The following F2 variants were observed in gnomAD, a reference collection of about 807,000 sequenced individuals.
F2 encodes prothrombin.
In F2, 34 loss-of-function variants were observed where a neutral mutation model predicts 81.9. The observed-to-expected ratio is 0.42, with a 90% CI of 0.32 to 0.55. The LOEUF (loss-of-function observed/expected upper bound fraction) is 0.55, where lower values mean the gene tolerates loss of function less well. Ranked by LOEUF, F2 falls within the 20% of genes least tolerant of loss-of-function variation. F2 has a pLI of 0.18. For synonymous variants in F2, 296 were observed against 326.4 expected, an observed-to-expected ratio of 0.91 and a Z score of 1.01; for missense variants, 630 against 833.4, an observed-to-expected ratio of 0.76 and a Z score of 3.00.
chr11:46,721,682 C>G (rs3136520), intron 4 of F2, among the ~76,000 whole-genome samples: 1 of 152,118 alleles, frequency 6.6e-6, no homozygotes, highest in Admixed American at 6.5e-5. Flanking sequence ...ACCTTTAGCA[C>G]GACAAAAATG....
At chr11:46,732,170 T>TC (rs1351363241) in intron 12 of F2, among the ~76,000 whole-genome samples, 1 of 151,966 alleles carries the variant, frequency 6.6e-6, no homozygotes, top group East Asian at 2.0e-4. Context: ...TGCCTCAGCC[T>TC]CCCAAAGTGC....
rs780981171 is a variant in F2 at position 46,739,035 on chromosome 11, G to A, written c.1655-13G>A. On this transcript the variant is annotated splice_polypyrimidine_tract_variant and intron_variant, in intron 12 of 13. Transcript: ENST00000311907. The stretch of plus-strand genomic sequence containing the variant: ...GCTATGCTCCTGAGCACAGACGGCT[G>A]TTCTCTTTCAAGGTTACAAGCCTGA... 2.2e-5 allele frequency: 36 copies of A among 1,613,620 alleles called. No homozygotes were observed. In the Admixed American group the frequency reaches 4.2e-4, roughly 19 times the overall value.
At chr11:46,720,624 C>G (rs2064830298) in intron 3 of F2, 77 bp downstream of exon 3, 6 of 1,572,580 alleles carry the variant, frequency 3.8e-6, no homozygotes, top group Non-Finnish European at 5.3e-6. Flanking sequence ...AGAGAATCTT[C>G]TGCTGCACCT....
In F2 at chr11:46,723,524, C is replaced by G; in HGVS notation, c.559+6C>G. On this transcript the variant is annotated splice_donor_region_variant and intron_variant, in intron 6 of 13. Transcript: ENST00000311907. This position sits in a 1 kb window ranked among gnomAD's most constrained non-coding sequence, Gnocchi z 5.6. ...ATGCAGCATCCCTGTCTGTGGTAAG[C>G]TGGGGGCAGTGGGGCGGCCCATGGC... is the stretch of plus-strand genomic sequence containing the variant. The G allele has an allele frequency of 6.2e-7, 1 of 1,608,884 alleles. No individual in the cohort carries two copies. The highest frequency in any genetic ancestry group is 8.5e-7 in the Non-Finnish European group (1 of 1,177,162).
rs2064855902 is a variant in F2 at position 46,723,950 on chromosome 11, C to A, written c.559+432C>A. 6.6e-6 allele frequency among the ~76,000 whole-genome samples: 1 copy of A among 152,154 alleles called. No homozygotes were observed. Among genetic ancestry groups the A allele is most frequent in the South Asian group, 2.1e-4 (1 of 4,826 alleles). ...CTGGCGTCAGTCATTCAGATCATAT[C>A]TGTGCCTATTGCTCAGTAAAGTCAG... On this transcript the variant is annotated intron_variant, in intron 6 of 13. Transcript: ENST00000311907. This position sits in a 1 kb window ranked among gnomAD's most constrained non-coding sequence, Gnocchi z 5.6.
Position 46,728,933 on chromosome 11 carries a change from C to A in F2, c.1472+96C>A. On this transcript the variant is annotated intron_variant, in intron 11 of 13. Transcript: ENST00000311907. This position sits in a 1 kb window ranked among gnomAD's most constrained non-coding sequence, Gnocchi z 5.1. ...CCTTGCAAGAGCCCCTTTCCCTTTT[C>A]CAGGCCTCGGTTTCTTGGAGTGAAC... 1 of 1,376,518 alleles carries A rather than the reference C, an allele frequency of 7.3e-7. No individual in the cohort carries two copies. Among genetic ancestry groups the A allele is most frequent in the Non-Finnish European group, 1.0e-6 (1 of 981,464 alleles). The allele number at this position is 1,376,518 out of a possible 1,614,324, so 85.3% of individuals were successfully genotyped here. A position where few individuals can be genotyped will look rare whatever the true frequency, so the allele number is the denominator to read the frequency against.
chr11:46,739,488 T>TA lies in F2; in HGVS notation c.*84dup. ...GTGTTTCTAAAACTATGGTTCCCAA[T>TA]AAAAGTGACTCTCAGCGAGCCTCAA... On this transcript the variant is annotated 3_prime_UTR_variant, in exon 14 of 14. Transcript: ENST00000311907. 2 of 1,582,554 alleles carry TA rather than the reference T, an allele frequency of 1.3e-6. No homozygotes were observed. Among genetic ancestry groups the TA allele is most frequent in the Non-Finnish European group, 1.7e-6 (2 of 1,157,852 alleles).
chr11:46,723,316 G>T lies in F2; in HGVS notation c.422+31G>T. 7 of 1,613,564 alleles carry T rather than the reference G, an allele frequency of 4.3e-6. No homozygotes were observed. The highest frequency in any genetic ancestry group is 5.9e-6 in the Non-Finnish European group (7 of 1,179,512). On this transcript the variant is annotated intron_variant, in intron 5 of 13. Coordinates refer to ENST00000311907, the MANE Select transcript of F2 (RefSeq NM_000506.5). The surrounding 1 kb of genome is among the most constrained non-coding windows in gnomAD (Gnocchi z 5.6). ...TGAGGGGCCGGCCTTCCCACCATGG[G>T]CTGAGAACAGGGAGCAAGCGTACCT...
intron 12 of F2, among the ~76,000 whole-genome samples, chr11:46,738,833 G>A (rs2064959935): frequency 6.6e-6 from 1 of 152,236 alleles, no homozygotes; most frequent in Admixed American, 6.5e-5. Flanking sequence ...GGGTTCAGGA[G>A]CTCGAGCTAG....
Position 46,728,641 on chromosome 11 carries a change from T to C in F2, c.1299-23T>C, listed in dbSNP as rs2064891306. ...GCTGGGTGAACCTGCAGCTTCTCCATTTCTTTCTTGGGGTCTCTGCAGGTA... is the reference window on the plus strand; with the variant it reads ...GCTGGGTGAACCTGCAGCTTCTCCACTTCTTTCTTGGGGTCTCTGCAGGTA... On this transcript the variant is annotated intron_variant, in intron 10 of 13. Transcript: ENST00000311907. The surrounding 1 kb of genome is among the most constrained non-coding windows in gnomAD (Gnocchi z 5.1). 1.2e-6 allele frequency: 2 copies of C among 1,613,386 alleles called. No homozygotes were observed. The highest frequency in any genetic ancestry group is 2.2e-5 in the East Asian group (1 of 44,878).
chr11:46,732,873 G>A (rs190670975), intron 12 of F2, among the ~76,000 whole-genome samples: 5 of 152,214 alleles, frequency 3.3e-5, no homozygotes, highest in Admixed American at 6.5e-5. Context: ...TTTCCTTACT[G>A]TAGTGTTGGA....
Position 46,719,551 on chromosome 11 carries a change from C to T in F2, c.80-151C>T. 9.2e-7 allele frequency: 1 copy of T among 1,090,924 alleles called. No homozygotes were observed. The highest frequency in any genetic ancestry group is 1.4e-5 in the South Asian group (1 of 69,532). The allele number at this position is 1,090,924 out of a possible 1,614,324, so 67.6% of individuals were successfully genotyped here. On this transcript the variant is annotated intron_variant, in intron 1 of 13. Transcript: ENST00000311907. This position sits in a 1 kb window ranked among gnomAD's most constrained non-coding sequence, Gnocchi z 4.7. ...GCAGTGTAGGAGGGGCACAGGGGGC[C>T]ACATTTAGCAGCCTTCCAGGCACTT...
At chr11:46,734,239 A>G (rs1044651189) in intron 12 of F2, among the ~76,000 whole-genome samples, 18 of 152,078 alleles carry the variant, frequency 1.2e-4, no homozygotes, top group African/African-American at 4.1e-4. Context: ...CTGGTTCCAC[A>G]GGTGCGTGCC....
rs2064825923 is a variant in F2, at chr11:46,719,953, C to T, written c.240+91C>T. The T allele has an allele frequency of 6.8e-7, 1 of 1,475,850 alleles. No individual in the cohort carries two copies. 91.4% of individuals were successfully genotyped at this position (1,475,850 alleles called of 1,614,324 possible). On this transcript the variant is annotated intron_variant, in intron 2 of 13. Coordinates refer to ENST00000311907, the MANE Select transcript of F2 (RefSeq NM_000506.5). The surrounding 1 kb of genome is among the most constrained non-coding windows in gnomAD (Gnocchi z 4.7). ...GAGAAGCAAGCGAGGAACGCCACAG[C>T]CCCTTCGCTGCTCACAGCCTCATTT...
At chr11:46,721,841 A>AT (rs1195063307) in intron 4 of F2, among the ~76,000 whole-genome samples, 7,182 of 129,996 alleles carry the variant, frequency 0.055, 235 homozygotes, top group Non-Finnish European at 0.074. Flanking sequence ...CCATACTTTC[A>AT]TTTTTTTTTT....
chr11:46,725,495 G>A (rs1221485153), intron 6 of F2, among the ~76,000 whole-genome samples: 1 of 152,122 alleles, frequency 6.6e-6, no homozygotes, highest in Non-Finnish European at 1.5e-5. Context: ...GACCCATCCA[G>A]GTGAACAGCC....
chr11:46,731,948 CCTCT>C, intron 12 of F2, among the ~76,000 whole-genome samples: 1 of 145,766 alleles, frequency 6.9e-6, no homozygotes. Flanking sequence ...ATGGAGTCTC[CCTCT>C]ATCACCCGGG....
intron 12 of F2, among the ~76,000 whole-genome samples, chr11:46,735,256 A>G (rs549161887): frequency 1.3e-5 from 2 of 152,068 alleles, no homozygotes; most frequent in African/African-American, 4.8e-5. Context: ...CCTGGCCAAC[A>G]TGGTGAAACC....
chr11:46,727,818 C>A (rs777857629), intron 9 of F2, among the ~76,000 whole-genome samples, 178 bp from the exon 10 acceptor site: 1 of 152,068 alleles, frequency 6.6e-6, no homozygotes, highest in Non-Finnish European at 1.5e-5. Flanking sequence ...TGTGAGGCAG[C>A]CCCTCAGCAT....
Sources: gnomAD v4.1 joint callset for allele counts (sites outside exome capture counted in the v4.1 genomes callset) on GRCh38, gnomAD v4.1.1 for gene constraint, Gnocchi (gnomAD v3.1) non-coding constraint, MANE v1.5 for transcripts, NCBI Gene and HGNC (gene_info 2026-07-23, HGNC 2026-07-21) for gene names.